The following ZBTB7C variants were observed in gnomAD, a reference collection of about 807,000 sequenced individuals.
The protein encoded by ZBTB7C is zinc finger and BTB domain containing 7C.
In ZBTB7C, 8 loss-of-function variants were observed where a neutral mutation model predicts 25.7. The ratio of observed to expected loss-of-function variants is 0.31; its 90% CI spans 0.18 to 0.56. The LOEUF is 0.56. Among genes scored for constraint, ZBTB7C ranks in the 20% least tolerant of loss-of-function variants. The pLI is 0.91. For synonymous variants in ZBTB7C, 394 were observed against 369.0 expected, an observed-to-expected ratio of 1.07 and a Z score of -0.78; for missense variants, 824 against 855.2, an observed-to-expected ratio of 0.96 and a Z score of 0.46.
Position 48,041,034 on chromosome 18 carries a change from T to G in ZBTB7C, c.74A>C (p.Asn25Thr). ...NHSSEVLCSL[N>T]EQRHDGLLCD... ...CAGCAGGCCATCGTGCCGTTGCTCATTGAGGCTGCACAGGACCTCACTGCT... is the reference window on the plus strand; with the variant it reads ...CAGCAGGCCATCGTGCCGTTGCTCAGTGAGGCTGCACAGGACCTCACTGCT... The change falls in exon 4 of 5, where the codon AAT becomes ACT. Residue 25 changes from asparagine (N) to threonine (T), a missense_variant. Asn to Thr is a moderately conservative substitution (Grantham distance 65). Transcript: ENST00000590800. 6.2e-7 allele frequency: 1 copy of G among 1,613,966 alleles called. No individual in the cohort carries two copies. Among genetic ancestry groups the G allele is most frequent in the Non-Finnish European group, 8.5e-7 (1 of 1,179,938 alleles).
rs371597239 is a variant in ZBTB7C at position 48,290,600 on chromosome 18, CTG to C, written c.-79+47572_-79+47573del. On this transcript the variant is annotated intron_variant, in intron 2 of 4. Coordinates refer to ENST00000590800, the MANE Select transcript of ZBTB7C (RefSeq NM_001318841.2). The stretch of plus-strand genomic sequence containing the variant: ...TAAGAGTGTGGGGGTTGGGGACAGA[CTG>C]TGCTTCCTTCCCTGGGCAGACAACA... Among the ~76,000 whole-genome samples the C allele has an allele frequency of 4.1e-4, 62 of 152,338 alleles. No homozygotes were observed. The South Asian group carries it at 8.7e-3, about 21-fold the overall frequency.
intron 3 of ZBTB7C, among the ~76,000 whole-genome samples, chr18:48,063,210 C>T (rs1394879040): frequency 2.0e-5 from 3 of 152,256 alleles, no homozygotes; most frequent in Admixed American, 6.5e-5. Context: ...TGGTCACCCT[C>T]GTTCATCTCC....
intron 3 of ZBTB7C, among the ~76,000 whole-genome samples, chr18:48,141,307 T>C (rs1397389186): frequency 6.6e-6 from 1 of 152,174 alleles, no homozygotes; most frequent in Non-Finnish European, 1.5e-5. Flanking sequence ...CCCCATTATC[T>C]ATTTCAGACC....
At chr18:48,144,810 C>G (rs1208705772) in intron 3 of ZBTB7C, among the ~76,000 whole-genome samples, 1 of 152,172 alleles carries the variant, frequency 6.6e-6, no homozygotes, top group African/African-American at 2.4e-5. Context: ...CCTGATGAAA[C>G]CCAGTGCTCC....
chr18:48,303,627 C>T (rs537165414), intron 2 of ZBTB7C, among the ~76,000 whole-genome samples: 136 of 152,190 alleles, frequency 8.9e-4, no homozygotes, highest in African/African-American at 3.1e-3. Context: ...AAGGTTGGAG[C>T]CTGGGGTGGC....
intron 1 of ZBTB7C, among the ~76,000 whole-genome samples, chr18:48,392,940 G>C (rs576968455): frequency 8.5e-5 from 13 of 152,268 alleles, no homozygotes; most frequent in African/African-American, 2.9e-4. Context: ...AGTGTCCCTA[G>C]ACCTCTTACT....
At chr18:48,232,848 C>T (rs1290281249) in intron 2 of ZBTB7C, among the ~76,000 whole-genome samples, 1 of 152,152 alleles carries the variant, frequency 6.6e-6, no homozygotes, top group Non-Finnish European at 1.5e-5. Flanking sequence ...TTAAGATGTA[C>T]AATTCATTGA....
intron 1 of ZBTB7C, among the ~76,000 whole-genome samples, chr18:48,361,569 A>G (rs17824939): frequency 0.11 from 16,732 of 152,270 alleles, 1,069 homozygotes; most frequent in Non-Finnish European, 0.14. Context: ...TCCTAGGTAC[A>G]TATGCTGCTC....
intron 3 of ZBTB7C, among the ~76,000 whole-genome samples, chr18:48,083,690 T>G (rs1347819640): frequency 6.6e-6 from 1 of 152,172 alleles, no homozygotes; most frequent in African/African-American, 2.4e-5. Flanking sequence ...GGGGCTTTAC[T>G]GCTCCATACA....
At chr18:48,107,723 C>T (rs2039085006) in intron 3 of ZBTB7C, among the ~76,000 whole-genome samples, 1 of 152,074 alleles carries the variant, frequency 6.6e-6, no homozygotes, top group South Asian at 2.1e-4. Flanking sequence ...GACAGCGTAC[C>T]CTTCCCCGCT....
chr18:48,237,087 C>T (rs548115863), intron 2 of ZBTB7C, among the ~76,000 whole-genome samples: 7 of 152,092 alleles, frequency 4.6e-5, no homozygotes, highest in East Asian at 1.9e-4. Flanking sequence ...AAATGCTGTC[C>T]GGAGCAGACA....
At chr18:48,293,498 C>T (rs2045295785) in intron 2 of ZBTB7C, among the ~76,000 whole-genome samples, 1 of 152,172 alleles carries the variant, frequency 6.6e-6, no homozygotes, top group Admixed American at 6.5e-5. Context: ...GTATTGTTTG[C>T]AGCATCTCCC....
intron 2 of ZBTB7C, among the ~76,000 whole-genome samples, chr18:48,238,747 T>C (rs1311351248): frequency 6.6e-6 from 1 of 152,200 alleles, no homozygotes; most frequent in Non-Finnish European, 1.5e-5. Flanking sequence ...TTTTTAATAA[T>C]TTCAACTGAA....
At chr18:48,245,649 C>T (rs1174818831) in intron 2 of ZBTB7C, among the ~76,000 whole-genome samples, 1 of 151,854 alleles carries the variant, frequency 6.6e-6, no homozygotes, top group Non-Finnish European at 1.5e-5. Flanking sequence ...AACAAGGGGG[C>T]AAACCAAGAA....
At chr18:48,212,253 T>C (rs895938218) in intron 2 of ZBTB7C, among the ~76,000 whole-genome samples, 2 of 152,268 alleles carry the variant, frequency 1.3e-5, no homozygotes, top group Non-Finnish European at 2.9e-5. Context: ...ACATACTATA[T>C]GATCCTAACT....
At chr18:48,402,105 G>A (rs906948073) in intron 1 of ZBTB7C, among the ~76,000 whole-genome samples, 2 of 151,910 alleles carry the variant, frequency 1.3e-5, no homozygotes, top group Non-Finnish European at 2.9e-5. Context: ...ACTGTGTGCC[G>A]GACACTCCTC....
intron 1 of ZBTB7C, among the ~76,000 whole-genome samples, chr18:48,369,728 T>TA (rs1449320324): frequency 6.6e-6 from 1 of 152,042 alleles, no homozygotes; most frequent in Non-Finnish European, 1.5e-5. Context: ...TACCAAACAA[T>TA]AGAGTTGCAA....
At chr18:48,087,905 T>C (rs2038256134) in intron 3 of ZBTB7C, 1 of 152,168 alleles carries the variant, frequency 6.6e-6, no homozygotes, top group Non-Finnish European at 1.5e-5. Flanking sequence ...GCTTTAGCCT[T>C]TTCCTCCATT....
intron 2 of ZBTB7C, among the ~76,000 whole-genome samples, chr18:48,229,606 A>C (rs117109444): frequency 0.032 from 4,802 of 152,360 alleles, 97 homozygotes; most frequent in Non-Finnish European, 0.05. Flanking sequence ...TTACTCAGAT[A>C]GAGATCGCTT....
Sources: gnomAD v4.1 joint callset for allele counts (sites outside exome capture counted in the v4.1 genomes callset) on GRCh38, gnomAD v4.1.1 for gene constraint, MANE v1.5 for transcripts, NCBI Gene and HGNC (gene_info 2026-07-23, HGNC 2026-07-21) for gene names.